REPS1: variants seen among roughly 807,000 people sequenced by gnomAD.
The protein encoded by REPS1 is ralBP1-associated Eps domain-containing protein 1.
REPS1 carries 39 observed loss-of-function variants against 100.9 expected under a neutral mutation model. The ratio of observed to expected loss-of-function variants is 0.39; its 90% CI spans 0.30 to 0.50. REPS1 has a LOEUF of 0.50. Ranked by LOEUF, REPS1 falls within the 20% of genes least tolerant of loss-of-function variation. The pLI is 0.86. For missense variants in REPS1, 821 were observed against 968.5 expected (o/e 0.85, Z 2.02); for synonymous variants, 324 against 340.3 (o/e 0.95, Z 0.53).
At chr6:138,941,631 A>AAT in intron 7 of REPS1, 142 bp from the exon 8 acceptor site, 1 of 751,714 alleles carries the variant, frequency 1.3e-6, no homozygotes. Context: ...AAAGATGTGT[A>AAT]ATATAGCAAA....
intron 1 of REPS1, among the ~76,000 whole-genome samples, chr6:138,968,551 C>T (rs1026518685): frequency 6.6e-6 from 1 of 152,146 alleles, no homozygotes; most frequent in Non-Finnish European, 1.5e-5. Flanking sequence ...CCCTTGCATA[C>T]CACCTTCACA....
chr6:138,970,932 A>G (rs17068205), intron 1 of REPS1, among the ~76,000 whole-genome samples: 13,402 of 152,274 alleles, frequency 0.088, 1,236 homozygotes, highest in African/African-American at 0.23. Flanking sequence ...TGGGTGTGCA[A>G]GGTCAAATGA....
intron 19 of REPS1, among the ~76,000 whole-genome samples, chr6:138,905,348 A>G (rs921088638): frequency 2.6e-5 from 4 of 152,180 alleles, no homozygotes; most frequent in Non-Finnish European, 5.9e-5. Flanking sequence ...GCGGACTGCA[A>G]TGGCGCAATC....
chr6:138,919,433 T>C (rs570004439), intron 12 of REPS1, among the ~76,000 whole-genome samples: 27 of 152,336 alleles, frequency 1.8e-4, no homozygotes, highest in Admixed American at 3.3e-4. Context: ...GCTCAAATCA[T>C]GTCACTCCTC....
intron 11 of REPS1, among the ~76,000 whole-genome samples, 162 bp from the exon 12 acceptor site, chr6:138,920,478 C>CTG (rs1780683353): frequency 6.6e-6 from 1 of 152,076 alleles, no homozygotes; most frequent in African/African-American, 2.4e-5. Context: ...AAATGTAAAA[C>CTG]TGTTTATTTA....
chr6:138,924,864 AAAAT>A (rs2128450086), intron 10 of REPS1, among the ~76,000 whole-genome samples: 1 of 152,302 alleles, frequency 6.6e-6, no homozygotes, highest in African/African-American at 2.4e-5. Context: ...TTCAGAGACT[AAAAT>A]AAAAAATAAA....
chr6:138,954,543 T>A (rs190337795), intron 1 of REPS1, among the ~76,000 whole-genome samples: 188 of 150,352 alleles, frequency 1.3e-3, no homozygotes, highest in Non-Finnish European at 1.7e-3. Flanking sequence ...AATTTCATGA[T>A]GTTTTAAGAA....
At chr6:138,925,706 G>A (rs1301258612) in intron 10 of REPS1, among the ~76,000 whole-genome samples, 1 of 151,246 alleles carries the variant, frequency 6.6e-6, no homozygotes, top group South Asian at 2.1e-4. Context: ...AAAAAGCAGA[G>A]AAGTGAACAG....
intron 8 of REPS1, among the ~76,000 whole-genome samples, chr6:138,940,873 C>A (rs1474873518): frequency 3.9e-5 from 6 of 152,046 alleles, no homozygotes; most frequent in Non-Finnish European, 7.4e-5. Context: ...GTCCAGATTT[C>A]TTTAGAGTCT....
intron 1 of REPS1, among the ~76,000 whole-genome samples, chr6:138,965,499 T>C (rs372496957): frequency 2.6e-5 from 4 of 152,224 alleles, no homozygotes; most frequent in African/African-American, 7.2e-5. Context: ...GAAAATACGA[T>C]AGGGTATGGA....
chr6:138,952,376 C>T (rs919989958), intron 1 of REPS1, among the ~76,000 whole-genome samples: 1 of 151,624 alleles, frequency 6.6e-6, no homozygotes, highest in Admixed American at 6.6e-5. Flanking sequence ...AACCAATATA[C>T]AAAAATCAGT....
intron 8 of REPS1, among the ~76,000 whole-genome samples, chr6:138,938,357 C>T (rs1188885): frequency 0.36 from 55,417 of 152,072 alleles, 11,928 homozygotes; most frequent in Admixed American, 0.51. Context: ...CCACTGCTCA[C>T]CATCTATTTG....
intron 1 of REPS1, among the ~76,000 whole-genome samples, chr6:138,970,475 G>T (rs1315744553): frequency 6.6e-6 from 1 of 150,422 alleles, no homozygotes; most frequent in Non-Finnish European, 1.5e-5. Context: ...AAAAAAAGGA[G>T]GGGGAATATA....
chr6:138,944,924 T>A (rs1782511095), intron 4 of REPS1, among the ~76,000 whole-genome samples: 1 of 152,204 alleles, frequency 6.6e-6, no homozygotes, highest in African/African-American at 2.4e-5. Flanking sequence ...TTACCACTTT[T>A]CAAAGCAATG....
chr6:138,974,896 G>A (rs751898604), intron 1 of REPS1, among the ~76,000 whole-genome samples: 1 of 151,960 alleles, frequency 6.6e-6, no homozygotes, highest in African/African-American at 2.4e-5. Flanking sequence ...AAGCTGAGAT[G>A]GGAGGATCTC....
intron 1 of REPS1, among the ~76,000 whole-genome samples, chr6:138,953,045 C>G (rs1783143544): frequency 6.6e-6 from 1 of 151,934 alleles, no homozygotes; most frequent in Admixed American, 6.6e-5. Flanking sequence ...CCATGTTGGT[C>G]AGGCTGGTCT....
chr6:138,956,169 C>G (rs563420890), intron 1 of REPS1, among the ~76,000 whole-genome samples: 30 of 152,154 alleles, frequency 2.0e-4, no homozygotes, highest in African/African-American at 7.2e-4. Context: ...CCTGCTCTGC[C>G]TTCAGGACTC....
intron 8 of REPS1, among the ~76,000 whole-genome samples, chr6:138,938,403 G>A (rs1005770286): frequency 1.3e-5 from 2 of 152,150 alleles, no homozygotes; most frequent in African/African-American, 4.8e-5. Context: ...TAGAATATTT[G>A]TGGAACTAAT....
In REPS1 at chr6:138,905,941, T is replaced by A. The variant is rs1779620572; in HGVS notation, c.2323-809A>T. Among the ~76,000 whole-genome samples the A allele has an allele frequency of 2.0e-5, 3 of 152,224 alleles. No individual in the cohort carries two copies. In the South Asian group the frequency reaches 6.2e-4, roughly 32 times the overall value. Reference sequence around the variant, plus strand: ...TTCTAACTTACTTACTTTCCTATTTTTCTCTTTCAAATTGACAGTATTGTG... The same window carrying A: ...TTCTAACTTACTTACTTTCCTATTTATCTCTTTCAAATTGACAGTATTGTG... On this transcript the variant is annotated intron_variant, in intron 19 of 19. Transcript: ENST00000450536.
Sources: gnomAD v4.1 joint callset for allele counts (sites outside exome capture counted in the v4.1 genomes callset) on GRCh38, gnomAD v4.1.1 for gene constraint, MANE v1.5 for transcripts, NCBI Gene and HGNC (gene_info 2026-07-23, HGNC 2026-07-21) for gene names.